The following DLGAP4 variants were observed in gnomAD, a reference collection of about 807,000 sequenced individuals.
The protein encoded by DLGAP4 is DLG associated protein 4.
Under a neutral mutation model 86.9 loss-of-function variants are expected in DLGAP4, and 18 were observed. The ratio of observed to expected loss-of-function variants is 0.21; its 90% confidence interval spans 0.14 to 0.31. The LOEUF (loss-of-function observed/expected upper bound fraction) is 0.31, where lower values mean the gene tolerates loss of function less well. Among genes scored for constraint, DLGAP4 ranks in the 10% least tolerant of loss-of-function variants. The probability of loss-of-function intolerance (pLI) is 1.00; values close to 1 mark genes in which losing one functional copy is unlikely to be tolerated. For synonymous variants in DLGAP4, 548 were observed against 574.3 expected (o/e 0.95, Z 0.65); for missense variants, 1,085 against 1,362.6 (o/e 0.80, Z 3.21).
intron 7 of DLGAP4, among the ~76,000 whole-genome samples, chr20:36,479,685 G>T (rs145918129): frequency 1.3e-5 from 2 of 152,138 alleles, no homozygotes; most frequent in African/African-American, 4.8e-5. Context: ...TGGCATGAAG[G>T]GGGTGATGGA....
At position 36,500,702 on chromosome 20, in the gene DLGAP4, G is replaced by A; in HGVS notation, c.2512+91G>A. On this transcript the variant is annotated intron_variant, in intron 10 of 12. Coordinates refer to ENST00000339266, the MANE Select transcript of DLGAP4 (RefSeq NM_001365621.2). The surrounding 1 kb of genome is among the most constrained non-coding windows in gnomAD (Gnocchi z 4.6). ...GCCAGCAGCTTCCGAACTTCTGAGT[G>A]GGGGTCTCTTAGGTTCTCTTCTTGG... The A allele has an allele frequency of 7.8e-7, 1 of 1,288,592 alleles. No homozygotes were observed. The highest frequency in any genetic ancestry group is 2.2e-5 in the South Asian group (1 of 45,280). 79.8% of individuals were successfully genotyped at this position (1,288,592 alleles called of 1,614,324 possible). A position where few individuals can be genotyped will look rare whatever the true frequency, so the allele number is the denominator to read the frequency against.
At chr20:36,382,960 G>A (rs1320944966) in intron 2 of DLGAP4, among the ~76,000 whole-genome samples, 1 of 152,172 alleles carries the variant, frequency 6.6e-6, no homozygotes, top group Non-Finnish European at 1.5e-5. Flanking sequence ...CATTGTCCTT[G>A]TTGGGAAGGG....
At chr20:36,313,090 C>G (rs2065067159) in intron 1 of DLGAP4, among the ~76,000 whole-genome samples, 1 of 152,116 alleles carries the variant, frequency 6.6e-6, no homozygotes, top group Non-Finnish European at 1.5e-5. Flanking sequence ...GTCCTCACTG[C>G]CCTCACCCCT....
intron 7 of DLGAP4, among the ~76,000 whole-genome samples, chr20:36,494,908 G>A (rs532342102): frequency 4.0e-5 from 6 of 148,554 alleles, no homozygotes; most frequent in Admixed American, 1.3e-4. Flanking sequence ...GAGTCCAGGA[G>A]TTCGAGACTA....
chr20:36,419,751 C>T (rs2032769004), intron 2 of DLGAP4, among the ~76,000 whole-genome samples: 1 of 152,222 alleles, frequency 6.6e-6, no homozygotes, highest in South Asian at 2.1e-4. Flanking sequence ...AGTGTCCTCA[C>T]AACATGGCGG....
Position 36,450,784 on chromosome 20 carries a change from G to C in DLGAP4, c.1648+3847G>C, listed in dbSNP as rs117915230. ...GTGAAACAGGGACAGGAGAACTGCA[G>C]TTAATACTCCTGTTCAGAAAAGGGG... is the stretch of plus-strand genomic sequence containing the variant. On this transcript the variant is annotated intron_variant, in intron 7 of 12. Coordinates refer to ENST00000339266, the MANE Select transcript of DLGAP4 (RefSeq NM_001365621.2). Among the ~76,000 whole-genome samples the C allele has an allele frequency of 5.9e-5, 9 of 152,334 alleles. No individual in the cohort carries two copies. The South Asian group carries it at 8.3e-4, about 14-fold the overall frequency.
chr20:36,404,345 C>T (rs1245890500), intron 2 of DLGAP4, among the ~76,000 whole-genome samples: 1 of 152,112 alleles, frequency 6.6e-6, no homozygotes, highest in Non-Finnish European at 1.5e-5. Flanking sequence ...GAAGGGCATG[C>T]CAGAGGGGGA....
intron 7 of DLGAP4, among the ~76,000 whole-genome samples, chr20:36,473,531 G>T (rs1342675051): frequency 6.6e-6 from 1 of 152,202 alleles, no homozygotes; most frequent in Non-Finnish European, 1.5e-5. Flanking sequence ...ATTAGCTGGG[G>T]TCTCAAGTTC....
chr20:36,343,027 G>A (rs1600415748), intron 1 of DLGAP4, among the ~76,000 whole-genome samples: 1 of 152,202 alleles, frequency 6.6e-6, no homozygotes, highest in East Asian at 1.9e-4. Flanking sequence ...GGGGAGGGGA[G>A]AGGGAGAGGA....
chr20:36,431,243 C>T lies in DLGAP4; in HGVS notation c.-72-403C>T, dbSNP rs1569496818. 6.6e-6 allele frequency among the ~76,000 whole-genome samples: 1 copy of T among 152,050 alleles called. No individual in the cohort carries two copies. The highest frequency in any genetic ancestry group is 6.6e-5 in the Admixed American group (1 of 15,248). On this transcript the variant is annotated intron_variant, in intron 2 of 12. Coordinates refer to ENST00000339266, the MANE Select transcript of DLGAP4 (RefSeq NM_001365621.2). This position sits in a 1 kb window ranked among gnomAD's most constrained non-coding sequence, Gnocchi z 5.1. ...TGTGGACAGAGCTAGGAGATGTGGG[C>T]TGGGGTATTTGCATCTATGTGGACC...
intron 1 of DLGAP4, among the ~76,000 whole-genome samples, chr20:36,333,333 T>C (rs1285650421): frequency 6.6e-6 from 1 of 152,162 alleles, no homozygotes; most frequent in Non-Finnish European, 1.5e-5. Context: ...ATAGAGGGTT[T>C]TTTTTTCTAA....
At chr20:36,420,449 T>C (rs530999497) in intron 2 of DLGAP4, among the ~76,000 whole-genome samples, 32 of 151,992 alleles carry the variant, frequency 2.1e-4, no homozygotes, top group Non-Finnish European at 4.4e-4. Flanking sequence ...CTGGATCAGG[T>C]AGGGCAAAAG....
chr20:36,468,920 T>A (rs2034535206), intron 7 of DLGAP4, among the ~76,000 whole-genome samples: 1 of 152,242 alleles, frequency 6.6e-6, no homozygotes, highest in Admixed American at 6.5e-5. Flanking sequence ...AATTTGCTCA[T>A]TCTCCCGTAT....
At chr20:36,309,493 G>A (rs36134956) in intron 1 of DLGAP4, among the ~76,000 whole-genome samples, 140 of 152,328 alleles carry the variant, frequency 9.2e-4, no homozygotes, top group African/African-American at 3.2e-3. Context: ...GTCCATGTGC[G>A]TTCCTGGCCT....
chr20:36,352,579 C>T lies in DLGAP4; in HGVS notation c.-303-14466C>T, dbSNP rs185823727. Reference sequence around the variant, plus strand: ...CAGGAAGACGGGAAAGTTTTTGTCCCGAGAAAAAGAAACTAGAGCTACCCT... The same window carrying T: ...CAGGAAGACGGGAAAGTTTTTGTCCTGAGAAAAAGAAACTAGAGCTACCCT... On this transcript the variant is annotated intron_variant, in intron 1 of 12. Coordinates refer to ENST00000339266, the MANE Select transcript of DLGAP4 (RefSeq NM_001365621.2). Among the ~76,000 whole-genome samples the T allele has an allele frequency of 3.9e-5, 6 of 151,952 alleles. No individual in the cohort carries two copies. The East Asian group carries it at 5.8e-4, about 15-fold the overall frequency.
chr20:36,331,093 G>A (rs150493314), intron 1 of DLGAP4, among the ~76,000 whole-genome samples: 4 of 152,188 alleles, frequency 2.6e-5, no homozygotes, highest in South Asian at 2.1e-4. Flanking sequence ...GGGGGCCTGT[G>A]GGGGGAGGCC....
chr20:36,457,852 G>T (rs1426970818), intron 7 of DLGAP4, among the ~76,000 whole-genome samples: 1 of 150,246 alleles, frequency 6.7e-6, no homozygotes, highest in Non-Finnish European at 1.5e-5. Context: ...TGGCCAGGCT[G>T]GTCTCGAACT....
Position 36,431,605 on chromosome 20 carries a change from T to C in DLGAP4, c.-72-41T>C, listed in dbSNP as rs2033131928. ...CCTTCCCGGCACCCCTCCCCGACAA[T>C]CCAGCTGACCAGCTGACCGCTTTCT... On this transcript the variant is annotated intron_variant, in intron 2 of 12. Transcript: ENST00000339266. This position sits in a 1 kb window ranked among gnomAD's most constrained non-coding sequence, Gnocchi z 5.1. The C allele has an allele frequency of 7.9e-7, 1 of 1,265,056 alleles. No individual in the cohort carries two copies. Among genetic ancestry groups the C allele is most frequent in the East Asian group, 2.6e-5 (1 of 39,188 alleles). The allele number at this position is 1,265,056 out of a possible 1,614,324, so 78.4% of individuals were successfully genotyped here.
intron 1 of DLGAP4, among the ~76,000 whole-genome samples, chr20:36,307,964 T>G (rs2065019973): frequency 6.6e-6 from 1 of 152,202 alleles, no homozygotes; most frequent in Non-Finnish European, 1.5e-5. Flanking sequence ...CTGGGCTGCC[T>G]GGTCCCAGGG....
Sources: gnomAD v4.1 joint callset for allele counts (sites outside exome capture counted in the v4.1 genomes callset) on GRCh38, gnomAD v4.1.1 for gene constraint, Gnocchi (gnomAD v3.1) non-coding constraint, MANE v1.5 for transcripts, NCBI Gene and HGNC (gene_info 2026-07-23, HGNC 2026-07-21) for gene names.